PPP4R4: variants seen among roughly 807,000 people sequenced by gnomAD.
The protein encoded by PPP4R4 is serine/threonine-protein phosphatase 4 regulatory subunit 4.
In PPP4R4, 70 loss-of-function variants were observed where a neutral mutation model predicts 121.8. The ratio of observed to expected loss-of-function variants is 0.57; its 90% CI spans 0.47 to 0.70. PPP4R4 has a LOEUF of 0.70. Ranked by LOEUF, PPP4R4 falls within the 30% of genes least tolerant of loss-of-function variation. PPP4R4 has a pLI of 0.00. For missense variants in PPP4R4, 875 were observed against 1,033.6 expected, an observed-to-expected ratio of 0.85 and a Z score of 2.10; for synonymous variants, 348 against 355.7, an observed-to-expected ratio of 0.98 and a Z score of 0.24.
intron 22 of PPP4R4, 126 bp from the exon 23 acceptor site, chr14:94,266,833 A>C: frequency 3.1e-6 from 2 of 641,962 alleles, no homozygotes. Context: ...TGAGAAATAA[A>C]AGCAACAAAC....
intron 14 of PPP4R4, among the ~76,000 whole-genome samples, chr14:94,248,530 C>A (rs1251193886): frequency 6.6e-6 from 1 of 152,136 alleles, no homozygotes; most frequent in African/African-American, 2.4e-5. Flanking sequence ...CTACCAATGT[C>A]ATTTTTCACA....
At chr14:94,273,624 G>A (rs1894469120) in intron 23 of PPP4R4, among the ~76,000 whole-genome samples, 1 of 152,150 alleles carries the variant, frequency 6.6e-6, no homozygotes, top group Non-Finnish European at 1.5e-5. Flanking sequence ...GGGTGATAAT[G>A]ACATGTCAAT....
chr14:94,241,308 A>G (rs1001322880), intron 9 of PPP4R4, among the ~76,000 whole-genome samples: 25 of 152,098 alleles, frequency 1.6e-4, no homozygotes, highest in African/African-American at 5.8e-4. Flanking sequence ...GAGATAGTTA[A>G]TGAAGTGGAA....
intron 16 of PPP4R4, 138 bp from the exon 17 acceptor site, chr14:94,256,322 A>G: frequency 3.2e-6 from 2 of 626,734 alleles, no homozygotes; most frequent in Non-Finnish European, 5.1e-6. Flanking sequence ...TGAATGTTTG[A>G]CACATAATAG....
intron 17 of PPP4R4, among the ~76,000 whole-genome samples, chr14:94,257,863 G>A (rs1041338740): frequency 6.6e-6 from 1 of 151,998 alleles, no homozygotes; most frequent in Non-Finnish European, 1.5e-5. Context: ...AAAATTAATG[G>A]ATTATTAGTC....
chr14:94,246,793 A>G (rs1892918639), intron 14 of PPP4R4, among the ~76,000 whole-genome samples: 1 of 152,110 alleles, frequency 6.6e-6, no homozygotes, highest in African/African-American at 2.4e-5. Context: ...CTTTGTTTAT[A>G]TACTGCCAAG....
chr14:94,270,010 T>C (rs1163848077), intron 23 of PPP4R4, among the ~76,000 whole-genome samples: 1 of 152,226 alleles, frequency 6.6e-6, no homozygotes, highest in Non-Finnish European at 1.5e-5. Flanking sequence ...AAATATAGCA[T>C]ACTTATGTAA....
intron 23 of PPP4R4, among the ~76,000 whole-genome samples, chr14:94,273,595 A>T (rs1894466887): frequency 6.6e-6 from 1 of 152,106 alleles, no homozygotes; most frequent in African/African-American, 2.4e-5. Context: ...AGTGAATCCT[A>T]ATGTGAACTG....
chr14:94,202,320 C>T (rs767598293), intron 2 of PPP4R4, among the ~76,000 whole-genome samples: 1 of 151,838 alleles, frequency 6.6e-6, no homozygotes, highest in Non-Finnish European at 1.5e-5. Context: ...TGCTTAGATA[C>T]GAATCTAAGA....
chr14:94,242,305 TTGA>T lies in PPP4R4; in HGVS notation c.1165_1167del (p.Asp389del). 2 of 1,612,232 alleles carry T rather than the reference TTGA, an allele frequency of 1.2e-6. No homozygotes were observed. The highest frequency in any genetic ancestry group is 1.7e-6 in the Non-Finnish European group (2 of 1,178,512). ...CTCCACCAGGCCATGATTGTTTTTGTTGATCCTAAAAACTTCCACATGGAACTC... is the reference window on the plus strand; with the variant it reads ...CTCCACCAGGCCATGATTGTTTTTGTTCCTAAAAACTTCCACATGGAACTC... On this transcript the variant is annotated inframe_deletion, in exon 11 of 25. Coordinates refer to ENST00000304338, the MANE Select transcript of PPP4R4 (RefSeq NM_058237.2).
intron 3 of PPP4R4, among the ~76,000 whole-genome samples, chr14:94,230,350 G>A (rs1021925183): frequency 2.0e-5 from 3 of 152,118 alleles, no homozygotes; most frequent in African/African-American, 7.2e-5. Flanking sequence ...TCAATAAAGC[G>A]GTGGCAAGTT....
At chr14:94,235,448 G>A (rs1009846746) in intron 7 of PPP4R4, among the ~76,000 whole-genome samples, 4 of 135,954 alleles carry the variant, frequency 2.9e-5, no homozygotes, top group African/African-American at 5.6e-5. Flanking sequence ...CACCCAGGCT[G>A]GAGTGCAGTG....
At chr14:94,212,096 G>A (rs1890774104) in intron 3 of PPP4R4, among the ~76,000 whole-genome samples, 1 of 152,122 alleles carries the variant, frequency 6.6e-6, no homozygotes, top group Admixed American at 6.5e-5. Context: ...AGCTTTTAGA[G>A]CTCACTTTTT....
chr14:94,245,704 T>A, intron 13 of PPP4R4, 34 bp downstream of exon 13: 1 of 1,447,988 alleles, frequency 6.9e-7, no homozygotes, highest in South Asian at 1.2e-5. Context: ...TTCTGAGTTG[T>A]GTAAATATTA....
At chr14:94,183,915 A>C (rs1889121425) in intron 2 of PPP4R4, among the ~76,000 whole-genome samples, 1 of 151,958 alleles carries the variant, frequency 6.6e-6, no homozygotes, top group Non-Finnish European at 1.5e-5. Flanking sequence ...ATAAAGCAAT[A>C]TAAAATAAAT....
At chr14:94,221,824 T>C (rs572827453) in intron 3 of PPP4R4, among the ~76,000 whole-genome samples, 1 of 152,204 alleles carries the variant, frequency 6.6e-6, no homozygotes, top group South Asian at 2.1e-4. Context: ...ACATCTACTA[T>C]ATTACTCAGC....
At chr14:94,245,777 T>C (rs1892861753) in intron 13 of PPP4R4, 107 bp downstream of exon 13, 1 of 695,810 alleles carries the variant, frequency 1.4e-6, no homozygotes, top group East Asian at 2.8e-5. Context: ...TGTAAAATAG[T>C]GCATGCCACA....
chr14:94,222,716 A>G (rs1891478293), intron 3 of PPP4R4, among the ~76,000 whole-genome samples: 1 of 151,898 alleles, frequency 6.6e-6, no homozygotes, highest in South Asian at 2.1e-4. Flanking sequence ...AGGATTTTAC[A>G]CTGTATATCT....
At chr14:94,251,985 TA>T (rs1893208923) in intron 16 of PPP4R4, 89 bp downstream of exon 16, 2 of 1,194,024 alleles carry the variant, frequency 1.7e-6, no homozygotes, top group Non-Finnish European at 2.3e-6. Flanking sequence ...CTTAGCCAAT[TA>T]AAAACTTAAG....
Sources: gnomAD v4.1 joint callset for allele counts (sites outside exome capture counted in the v4.1 genomes callset) on GRCh38, gnomAD v4.1.1 for gene constraint, MANE v1.5 for transcripts, NCBI Gene and HGNC (gene_info 2026-07-23, HGNC 2026-07-21) for gene names.